Variants in WASF1 observed in about 807,000 individuals in gnomAD.
WASF1 encodes the protein actin-binding protein WASF1.
In WASF1, 7 loss-of-function variants were observed where a neutral mutation model predicts 50.5. The observed-to-expected ratio is 0.14, with a 90% CI of 0.08 to 0.26. The LOEUF (loss-of-function observed/expected upper bound fraction) is 0.26. Among genes scored for constraint, WASF1 ranks in the 10% least tolerant of loss-of-function variants. The pLI, the probability that WASF1 is intolerant of heterozygous loss-of-function variation, is 1.00. For missense variants in WASF1, 470 were observed against 694.7 expected, an observed-to-expected ratio of 0.68 and a Z score of 3.64; for synonymous variants, 205 against 244.0, an observed-to-expected ratio of 0.84 and a Z score of 1.49.
At chr6:110,155,565 T>A (rs944482213) in intron 3 of WASF1, among the ~76,000 whole-genome samples, 7 of 105,986 alleles carry the variant, frequency 6.6e-5, no homozygotes, top group Admixed American at 1.8e-4. Flanking sequence ...TTTTTTTTTT[T>A]ATTATACTCT....
intron 3 of WASF1, among the ~76,000 whole-genome samples, chr6:110,144,503 A>G (rs1775438687): frequency 6.6e-6 from 1 of 152,088 alleles, no homozygotes; most frequent in Non-Finnish European, 1.5e-5. Context: ...TTTTGTTGCC[A>G]TTGCTTTTGG....
intron 2 of WASF1, among the ~76,000 whole-genome samples, chr6:110,165,595 C>T (rs1776442743): frequency 6.6e-6 from 1 of 151,732 alleles, no homozygotes. Context: ...TTGAATTCAT[C>T]TATTTTATAA....
At chr6:110,107,331 T>C in intron 6 of WASF1, 137 bp from the exon 7 acceptor site, 1 of 555,612 alleles carries the variant, frequency 1.8e-6, no homozygotes, top group East Asian at 3.3e-5. Flanking sequence ...TAAAACTGAA[T>C]ATTGCACCAA....
chr6:110,176,898 A>C (rs1776952044), intron 2 of WASF1, among the ~76,000 whole-genome samples: 2 of 152,124 alleles, frequency 1.3e-5, no homozygotes, highest in Non-Finnish European at 1.5e-5. Flanking sequence ...AAGTTTTCTC[A>C]CAAAGTAACC....
At chr6:110,125,021 T>C (rs1774358276) in intron 4 of WASF1, among the ~76,000 whole-genome samples, 1 of 152,226 alleles carries the variant, frequency 6.6e-6, no homozygotes, top group Non-Finnish European at 1.5e-5. Flanking sequence ...TCTCAAGCAC[T>C]TTCAGTACTA....
intron 2 of WASF1, among the ~76,000 whole-genome samples, chr6:110,162,914 T>C (rs1305472053): frequency 2.0e-5 from 3 of 151,310 alleles, no homozygotes; most frequent in African/African-American, 7.3e-5. Context: ...GAGAAGAAAA[T>C]AAAAGTATGC....
At position 110,155,082 on chromosome 6, in the gene WASF1, C is replaced by T. The variant is rs75710690; in HGVS notation, c.-29+5553G>A. Reference sequence around the variant, plus strand: ...TAGGGCATTCAAAAGTAATGAACCACGTGCTCCTAATACCCTGAAATAATC... The same window carrying T: ...TAGGGCATTCAAAAGTAATGAACCATGTGCTCCTAATACCCTGAAATAATC... On this transcript the variant is annotated intron_variant, in intron 3 of 10. Transcript: ENST00000392589. 2.5e-3 allele frequency among the ~76,000 whole-genome samples: 377 copies of T among 152,174 alleles called. 2 individuals carry two copies. The highest frequency in any genetic ancestry group is 4.1e-3 in the Non-Finnish European group (281 of 67,956).
intron 2 of WASF1, among the ~76,000 whole-genome samples, chr6:110,164,850 A>G (rs1485783868): frequency 6.6e-6 from 1 of 151,628 alleles, no homozygotes; most frequent in Non-Finnish European, 1.5e-5. Context: ...AAATAATGGA[A>G]TATTCAGCGC....
intron 3 of WASF1, among the ~76,000 whole-genome samples, chr6:110,144,090 G>C (rs553821596): frequency 6.0e-4 from 92 of 152,258 alleles, no homozygotes; most frequent in African/African-American, 2.2e-3. Flanking sequence ...CAGTGTAAAA[G>C]TGTTCCTATT....
At chr6:110,155,346 T>C (rs1432762137) in intron 3 of WASF1, among the ~76,000 whole-genome samples, 2 of 152,040 alleles carry the variant, frequency 1.3e-5, no homozygotes, top group Non-Finnish European at 2.9e-5. Flanking sequence ...TTTGCCATTA[T>C]CATTTCCTGG....
In WASF1 at chr6:110,124,229, CTCTCT is replaced by C. The variant is rs1321882465; in HGVS notation, c.133+3235_133+3239del. 1.3e-3 allele frequency among the ~76,000 whole-genome samples: 80 copies of C among 62,824 alleles called. 1 individual carries two copies. Among genetic ancestry groups the C allele is most frequent in the African/African-American group, 6.7e-3 (67 of 10,048 alleles). 41.2% of individuals were successfully genotyped at this position (62,824 alleles called of 152,430 possible). On this transcript the variant is annotated intron_variant, in intron 4 of 10. Transcript: ENST00000392589. ...TCTCTCTCTCTCTCCTCTCTCTCCT[CTCTCT>C]CCTCTCTCTCTCTCTCTCTCTCTCT...
chr6:110,140,444 T>C (rs1047803476), intron 3 of WASF1, among the ~76,000 whole-genome samples: 2 of 152,142 alleles, frequency 1.3e-5, no homozygotes, highest in Admixed American at 6.5e-5. Context: ...GGGGGAGTCA[T>C]AGGAACCCAA....
chr6:110,106,294 A>G (rs1773321678), intron 7 of WASF1, among the ~76,000 whole-genome samples: 1 of 152,228 alleles, frequency 6.6e-6, no homozygotes, highest in South Asian at 2.1e-4. Context: ...TTGGCAAACA[A>G]AACACTCCCT....
At chr6:110,127,373 A>C in intron 4 of WASF1, 96 bp downstream of exon 4, 1 of 1,147,372 alleles carries the variant, frequency 8.7e-7, no homozygotes, top group Non-Finnish European at 1.2e-6. Flanking sequence ...CTTCTCACCA[A>C]ATCATACTCC....
chr6:110,117,816 C>T (rs576667286), intron 4 of WASF1, among the ~76,000 whole-genome samples: 71 of 152,204 alleles, frequency 4.7e-4, no homozygotes, highest in Non-Finnish European at 7.1e-4. Flanking sequence ...GCGGATCTCT[C>T]GGCAGAAACC....
At chr6:110,136,698 T>C (rs909223546) in intron 3 of WASF1, among the ~76,000 whole-genome samples, 9 of 152,240 alleles carry the variant, frequency 5.9e-5, no homozygotes, top group Non-Finnish European at 1.3e-4. Flanking sequence ...TTCTCCTATC[T>C]TTGTTTTAAA....
At chr6:110,132,739 T>C (rs140746021) in intron 3 of WASF1, among the ~76,000 whole-genome samples, 126 of 151,998 alleles carry the variant, frequency 8.3e-4, no homozygotes, top group African/African-American at 2.9e-3. Context: ...TCCTATGCCT[T>C]TGCATCCTCA....
intron 3 of WASF1, among the ~76,000 whole-genome samples, chr6:110,138,689 T>C (rs993806123): frequency 6.6e-6 from 1 of 152,164 alleles, no homozygotes; most frequent in Admixed American, 6.5e-5. Context: ...CCAAAGTGGG[T>C]AGCTCCTTCC....
intron 4 of WASF1, among the ~76,000 whole-genome samples, chr6:110,116,085 A>G (rs1264143824): frequency 6.6e-6 from 1 of 152,206 alleles, no homozygotes; most frequent in East Asian, 1.9e-4. Flanking sequence ...GAATAGGAAC[A>G]GCTCCGGTCT....
Sources: gnomAD v4.1 joint callset for allele counts (sites outside exome capture counted in the v4.1 genomes callset) on GRCh38, gnomAD v4.1.1 for gene constraint, MANE v1.5 for transcripts, NCBI Gene and HGNC (gene_info 2026-07-23, HGNC 2026-07-21) for gene names.